Variants in CLYBL observed in about 807,000 individuals in gnomAD.
CLYBL encodes citramalyl-CoA lyase, mitochondrial.
Under a neutral mutation model 38.9 loss-of-function variants are expected in CLYBL, and 31 were observed. That is an observed-to-expected ratio of 0.80 (90% CI 0.60 to 1.08). CLYBL has a LOEUF of 1.08. CLYBL is among the 50% of genes least tolerant of loss of function. CLYBL has a pLI of 0.00. For missense variants in CLYBL, 434 were observed against 411.6 expected (o/e 1.05, Z -0.47); for synonymous variants, 171 against 158.6 (o/e 1.08, Z -0.59).
intron 1 of CLYBL, among the ~76,000 whole-genome samples, chr13:99,637,961 C>CTTTT (rs1566595642): frequency 5.6e-5 from 3 of 53,688 alleles, no homozygotes; most frequent in African/African-American, 2.5e-4. Context: ...GTCAACAGTG[C>CTTTT]CTTTTTTTTT....
chr13:99,699,032 A>C (rs1030470641), intron 1 of CLYBL, among the ~76,000 whole-genome samples: 2 of 152,178 alleles, frequency 1.3e-5, no homozygotes, highest in African/African-American at 4.8e-5. Flanking sequence ...TTTTCGGAGT[A>C]AGATTTTTTT....
chr13:99,705,292 G>A (rs1241422395), intron 1 of CLYBL, among the ~76,000 whole-genome samples: 2 of 152,006 alleles, frequency 1.3e-5, no homozygotes, highest in Non-Finnish European at 2.9e-5. Flanking sequence ...AAGAAAGAAT[G>A]AAATTCTACC....
intron 1 of CLYBL, among the ~76,000 whole-genome samples, chr13:99,731,752 C>T (rs1332665659): frequency 6.6e-6 from 1 of 152,146 alleles, no homozygotes; most frequent in Non-Finnish European, 1.5e-5. Flanking sequence ...AAGGAAGGGC[C>T]TCGGACATCT....
chr13:99,790,843 T>C (rs2049899953), intron 2 of CLYBL, among the ~76,000 whole-genome samples: 1 of 152,236 alleles, frequency 6.6e-6, no homozygotes, highest in African/African-American at 2.4e-5. Flanking sequence ...GTGATCAGTG[T>C]CCTGTTTTCT....
At chr13:99,649,340 A>G (rs946645566) in intron 1 of CLYBL, among the ~76,000 whole-genome samples, 2 of 152,218 alleles carry the variant, frequency 1.3e-5, no homozygotes, top group African/African-American at 4.8e-5. Context: ...GGTTTTAACT[A>G]AAATACTACT....
chr13:99,608,786 TC>T (rs1240360382), intron 1 of CLYBL, among the ~76,000 whole-genome samples: 1 of 150,988 alleles, frequency 6.6e-6, no homozygotes, highest in African/African-American at 2.4e-5. Context: ...TCTTTTTGCC[TC>T]CATTATTCTA....
chr13:99,692,361 G>A (rs1256991009), intron 1 of CLYBL, among the ~76,000 whole-genome samples: 4 of 150,578 alleles, frequency 2.7e-5, no homozygotes, highest in East Asian at 1.9e-4. Context: ...GCATGATCTC[G>A]GCTCACTGCA....
At position 99,852,367 on chromosome 13, in the gene CLYBL, C is replaced by A. The variant is rs546077191; in HGVS notation, c.250-6494C>A. Among the ~76,000 whole-genome samples, 6 of 152,284 alleles carry A rather than the reference C, an allele frequency of 3.9e-5. No homozygotes were observed. In the South Asian group the frequency reaches 1.2e-3, roughly 32 times the overall value. The stretch of plus-strand genomic sequence containing the variant: ...GATCCTCCCACTGCAGCCTCCCAAG[C>A]AGCTGAGACTACAGCTGTGTGCCAC... On this transcript the variant is annotated intron_variant, in intron 2 of 8. Coordinates refer to ENST00000339105, the MANE Select transcript of CLYBL (RefSeq NM_206808.5).
intron 7 of CLYBL, among the ~76,000 whole-genome samples, chr13:99,880,979 C>T (rs530577625): frequency 1.3e-5 from 2 of 152,372 alleles, no homozygotes; most frequent in Admixed American, 6.5e-5. Flanking sequence ...CTGGGCTTTC[C>T]GGGGCCTTCC....
intron 2 of CLYBL, among the ~76,000 whole-genome samples, chr13:99,838,460 A>G (rs1427045915): frequency 6.6e-6 from 1 of 152,158 alleles, no homozygotes; most frequent in Non-Finnish European, 1.5e-5. Flanking sequence ...CCCGATGCCT[A>G]CAATTTTTAT....
intron 7 of CLYBL, among the ~76,000 whole-genome samples, chr13:99,872,743 G>C (rs1268727764): frequency 6.6e-6 from 1 of 152,210 alleles, no homozygotes; most frequent in Admixed American, 6.5e-5. Flanking sequence ...GCAGATAGGG[G>C]TGTGGGAGAG....
intron 1 of CLYBL, among the ~76,000 whole-genome samples, chr13:99,644,104 TGTG>T (rs1487315666): frequency 1.4e-5 from 2 of 143,372 alleles, no homozygotes; most frequent in African/African-American, 5.2e-5. Flanking sequence ...GTTTTTTATA[TGTG>T]GTGTATGTAT....
intron 2 of CLYBL, among the ~76,000 whole-genome samples, chr13:99,828,779 A>G (rs1222993294): frequency 6.6e-6 from 1 of 152,164 alleles, no homozygotes; most frequent in African/African-American, 2.4e-5. Context: ...TTTTCATGTC[A>G]TCTTTTTTTC....
chr13:99,692,023 G>A (rs2047910318), intron 1 of CLYBL, among the ~76,000 whole-genome samples: 1 of 152,202 alleles, frequency 6.6e-6, no homozygotes, highest in Non-Finnish European at 1.5e-5. Flanking sequence ...TAGAAACTCA[G>A]TGTACATCCT....
intron 2 of CLYBL, among the ~76,000 whole-genome samples, chr13:99,773,741 T>A (rs553842028): frequency 6.6e-6 from 1 of 152,198 alleles, no homozygotes; most frequent in African/African-American, 2.4e-5. Flanking sequence ...TTCTTCTTCT[T>A]ACCACCAGGT....
intron 2 of CLYBL, among the ~76,000 whole-genome samples, chr13:99,802,297 T>C (rs1193014094): frequency 6.6e-6 from 1 of 152,084 alleles, no homozygotes; most frequent in Admixed American, 6.5e-5. Context: ...AGGGCTTCCA[T>C]GTAAGAATTT....
At chr13:99,808,516 A>C (rs1594195662) in intron 2 of CLYBL, among the ~76,000 whole-genome samples, 1 of 152,218 alleles carries the variant, frequency 6.6e-6, no homozygotes, top group East Asian at 1.9e-4. Flanking sequence ...TAGACTTAAA[A>C]GCAGTGTTGA....
Position 99,839,610 on chromosome 13 carries a change from G to A in CLYBL, c.250-19251G>A, listed in dbSNP as rs574310452. ...GTGTGTGTGTGTGACACACCATTGG[G>A]TGTGTGTATGGGTGACAGAGAGACA... On this transcript the variant is annotated intron_variant, in intron 2 of 8. Transcript: ENST00000339105. Among the ~76,000 whole-genome samples the A allele has an allele frequency of 3.3e-5, 5 of 152,236 alleles. No homozygotes were observed. In the South Asian group the frequency reaches 8.3e-4, roughly 25 times the overall value.
At chr13:99,832,245 G>A (rs1214020647) in intron 2 of CLYBL, among the ~76,000 whole-genome samples, 1 of 152,220 alleles carries the variant, frequency 6.6e-6, no homozygotes, top group Non-Finnish European at 1.5e-5. Context: ...CAATTATCCT[G>A]TAGTGGTCTC....
Sources: gnomAD v4.1 joint callset for allele counts (sites outside exome capture counted in the v4.1 genomes callset) on GRCh38, gnomAD v4.1.1 for gene constraint, MANE v1.5 for transcripts, NCBI Gene and HGNC (gene_info 2026-07-23, HGNC 2026-07-21) for gene names.